The following MAPK10 variants were observed in gnomAD, a reference collection of about 807,000 sequenced individuals.
The protein encoded by MAPK10 is JNK3 alpha protein kinase.
In MAPK10, 25 loss-of-function variants were observed where a neutral mutation model predicts 59.3. The ratio of observed to expected loss-of-function variants is 0.42; its 90% CI spans 0.31 to 0.59. MAPK10 has a LOEUF of 0.59. Ranked by LOEUF, MAPK10 falls within the 20% of genes least tolerant of loss-of-function variation. The probability of loss-of-function intolerance (pLI) is 0.15; values close to 1 mark genes in which losing one functional copy is unlikely to be tolerated. For missense variants in MAPK10, 351 were observed against 568.9 expected, an observed-to-expected ratio of 0.62 and a Z score of 3.90; for synonymous variants, 190 against 200.5, an observed-to-expected ratio of 0.95 and a Z score of 0.44.
At chr4:86,548,202 A>G (rs1759418268) in intron 1 of MAPK10, among the ~76,000 whole-genome samples, 1 of 151,886 alleles carries the variant, frequency 6.6e-6, no homozygotes, top group African/African-American at 2.4e-5. Flanking sequence ...CACCGGGAGG[A>G]ACAAACAACT....
chr4:86,386,088 G>A (rs1741416309), intron 1 of MAPK10, among the ~76,000 whole-genome samples: 1 of 152,104 alleles, frequency 6.6e-6, no homozygotes, highest in Non-Finnish European at 1.5e-5. Context: ...TTCTAATTAC[G>A]TGTTTAAAAT....
At chr4:86,144,960 T>C (rs1398989763) in intron 4 of MAPK10, among the ~76,000 whole-genome samples, 5 of 151,940 alleles carry the variant, frequency 3.3e-5, no homozygotes, top group African/African-American at 1.2e-4. Context: ...AAGTCTAAGT[T>C]TCTATTCCCT....
At chr4:86,479,716 G>T (rs942447993) in intron 1 of MAPK10, among the ~76,000 whole-genome samples, 2 of 152,044 alleles carry the variant, frequency 1.3e-5, no homozygotes, top group African/African-American at 4.8e-5. Flanking sequence ...GCACTCTCTA[G>T]TTAGATGTCC....
chr4:86,166,527 A>G (rs561884329), intron 3 of MAPK10, among the ~76,000 whole-genome samples: 1 of 152,242 alleles, frequency 6.6e-6, no homozygotes, highest in African/African-American at 2.4e-5. Flanking sequence ...GTTTTAGAGT[A>G]TTTATCACAA....
At chr4:86,566,480 G>A (rs1024166435) in intron 1 of MAPK10, among the ~76,000 whole-genome samples, 7 of 151,014 alleles carry the variant, frequency 4.6e-5, no homozygotes, top group South Asian at 2.1e-4. Flanking sequence ...TTGGGAGGCC[G>A]AGGCAGGTGG....
chr4:86,203,620 C>T (rs1223708943), intron 2 of MAPK10, among the ~76,000 whole-genome samples: 1 of 150,724 alleles, frequency 6.6e-6, no homozygotes, highest in African/African-American at 2.4e-5. Flanking sequence ...TATTACATAG[C>T]AGATTTACTA....
At chr4:86,219,843 G>C (rs2088990927) in intron 2 of MAPK10, 1 of 152,122 alleles carries the variant, frequency 6.6e-6, no homozygotes, top group African/African-American at 2.4e-5. Flanking sequence ...GCAAGTTATA[G>C]TTATGGGCTG....
intron 1 of MAPK10, among the ~76,000 whole-genome samples, chr4:86,593,120 T>A (rs949199818): frequency 6.6e-6 from 1 of 152,216 alleles, no homozygotes; most frequent in Non-Finnish European, 1.5e-5. Flanking sequence ...AAAACTCAAG[T>A]GCTCGCCAAA....
rs765875698 is a variant in MAPK10 at position 86,031,405 on chromosome 4, C to T, written c.1137G>A (p.Gln379=). The change falls in exon 12 of 14, where the codon CAG becomes CAA. Residue 379 remains glutamine (Q), a synonymous_variant. Transcript: ENST00000641462. ...EAPPPQIYDK[Q]LDEREHTIEE... ...CAATTGTGTGTTCTCTTTCATCCAACTGCTTGTCATATATCTGAGGTGGAG... is the reference window on the plus strand; with the variant it reads ...CAATTGTGTGTTCTCTTTCATCCAATTGCTTGTCATATATCTGAGGTGGAG... 1 of 1,612,828 alleles carries T rather than the reference C, an allele frequency of 6.2e-7. No homozygotes were observed. The highest frequency in any genetic ancestry group is 1.1e-5 in the South Asian group (1 of 91,054).
rs1055712045 is a variant in MAPK10 at position 86,295,768 on chromosome 4, TTA to T, written c.-7+58760_-7+58761del. Among the ~76,000 whole-genome samples, 599 of 144,074 alleles carry T rather than the reference TTA, an allele frequency of 4.2e-3. 1 individual carries two copies. The highest frequency in any genetic ancestry group is 0.015 in the African/African-American group (561 of 38,354). The allele number at this position is 144,074 out of a possible 152,430, so 94.5% of individuals were successfully genotyped here. On this transcript the variant is annotated intron_variant, in intron 2 of 13. Transcript: ENST00000641462. Reference sequence around the variant, plus strand: ...TATATATATTTTATATATATATATTTTATATATATATATATTCTCTATATTTC... The same window carrying T: ...TATATATATTTTATATATATATATTTTATATATATATATTCTCTATATTTC...
chr4:86,432,720 C>G (rs905596943), intron 1 of MAPK10, among the ~76,000 whole-genome samples: 1 of 152,202 alleles, frequency 6.6e-6, no homozygotes, highest in African/African-American at 2.4e-5. Flanking sequence ...GCACTCACTA[C>G]TTGTAGTGGG....
At chr4:86,109,150 C>T (rs1388116709) in intron 4 of MAPK10, among the ~76,000 whole-genome samples, 1 of 152,180 alleles carries the variant, frequency 6.6e-6, no homozygotes, top group East Asian at 1.9e-4. Flanking sequence ...CCTGTTCTGA[C>T]ATTGTTTATA....
At chr4:86,245,615 TAAG>T (rs2148699603) in intron 2 of MAPK10, among the ~76,000 whole-genome samples, 1 of 152,308 alleles carries the variant, frequency 6.6e-6, no homozygotes, top group South Asian at 2.1e-4. Flanking sequence ...ATTTTAGGTG[TAAG>T]CCACTGTGGC....
intron 1 of MAPK10, among the ~76,000 whole-genome samples, chr4:86,359,332 T>TTCTCTC (rs1329419997): frequency 7.9e-5 from 10 of 125,968 alleles, no homozygotes; most frequent in African/African-American, 3.1e-4. Flanking sequence ...GTGTGTGTGT[T>TTCTCTC]TCTCTCTCTC....
chr4:86,399,407 T>G (rs1237449517), intron 1 of MAPK10, among the ~76,000 whole-genome samples: 1 of 152,216 alleles, frequency 6.6e-6, no homozygotes, highest in Admixed American at 6.5e-5. Context: ...TGTCTTCTTT[T>G]GAAAAGTAAC....
Position 86,506,839 on chromosome 4 carries a change from A to C in MAPK10, c.-263+87071T>G, listed in dbSNP as rs375142622. On this transcript the variant is annotated intron_variant, in intron 1 of 4. Transcript: ENST00000502302. The stretch of plus-strand genomic sequence containing the variant: ...AGAAATTCCTCTTCTCCAGCAGAGG[A>C]GAAAGCTGTCAGGGAAAGACACACA... 1.9e-4 allele frequency among the ~76,000 whole-genome samples: 29 copies of C among 152,284 alleles called. No homozygotes were observed. In the South Asian group the frequency reaches 5.6e-3, roughly 29 times the overall value.
chr4:86,381,252 C>T (rs969748767), intron 1 of MAPK10, among the ~76,000 whole-genome samples: 1 of 152,146 alleles, frequency 6.6e-6, no homozygotes, highest in Non-Finnish European at 1.5e-5. Context: ...CTTCACTACC[C>T]TCCTGGCCTT....
In MAPK10 at chr4:86,014,644, C is replaced by G. The variant is rs1405934357; in HGVS notation, c.*2584G>C. ...AATCTGGCTAAAGCTAACCAGCTCC[C>G]AAGAGCCATGCACAGAAGATGTAAG... On this transcript the variant is annotated 3_prime_UTR_variant, in exon 14 of 14. Transcript: ENST00000641462. The G allele has an allele frequency of 6.6e-6, 1 of 152,116 alleles. No homozygotes were observed. The highest frequency in any genetic ancestry group is 6.5e-5 in the Admixed American group (1 of 15,280). 9.4% of individuals were successfully genotyped at this position (152,116 alleles called of 1,614,324 possible). A position where few individuals can be genotyped will look rare whatever the true frequency, so the allele number is the denominator to read the frequency against.
intron 1 of MAPK10, among the ~76,000 whole-genome samples, chr4:86,423,413 CAAAT>C (rs1434163132): frequency 6.6e-6 from 1 of 151,936 alleles, no homozygotes; most frequent in East Asian, 1.9e-4. Context: ...TTAGTAATAA[CAAAT>C]AAGGAATAAA....
Sources: allele counts gnomAD v4.1 joint callset (sites outside exome capture counted in the v4.1 genomes callset), GRCh38; gene constraint gnomAD v4.1.1; transcripts MANE v1.5; gene names NCBI Gene and HGNC (gene_info 2026-07-23, HGNC 2026-07-21).